Variants in ITIH4 observed in about 807,000 individuals in gnomAD.
The protein encoded by ITIH4 is inter-alpha-trypsin inhibitor heavy chain H4.
In ITIH4, 79 loss-of-function variants were observed where a neutral mutation model predicts 111.8. That is an observed-to-expected ratio of 0.71 (90% CI 0.59 to 0.85). ITIH4 has a LOEUF of 0.85. ITIH4 is among the 40% of genes least tolerant of loss of function. The pLI is 0.00. For synonymous variants in ITIH4, 472 were observed against 468.3 expected (o/e 1.01, Z -0.10); for missense variants, 1,065 against 1,195.8 (o/e 0.89, Z 1.61).
rs760643418 is a variant in ITIH4, at chr3:52,817,065, G to A, written c.2297-7C>T. 3.7e-6 allele frequency: 6 copies of A among 1,611,454 alleles called. No homozygotes were observed. The South Asian group carries it at 6.6e-5, about 18-fold the overall frequency. On this transcript the variant is annotated splice_region_variant and splice_polypyrimidine_tract_variant and intron_variant, in intron 20 of 23. Coordinates refer to ENST00000266041, the MANE Select transcript of ITIH4 (RefSeq NM_002218.5). ...TGGCCAGTCACCTCAACCCCTGGGA[G>A]GACCAGACCAGAGAGGTCATAGCTG... is the stretch of plus-strand genomic sequence containing the variant.
At chr3:52,825,117 A>G (rs1264395038) in intron 6 of ITIH4, 159 bp from the exon 7 acceptor site, 14 of 467,362 alleles carry the variant, frequency 3.0e-5, no homozygotes, top group Non-Finnish European at 4.1e-5. Context: ...TTCAGGGCTC[A>G]GACCAGCCCC....
rs770152891 is a variant in ITIH4, at chr3:52,824,143, C to T, written c.1171+47G>A. 32 of 1,599,942 alleles carry T rather than the reference C, an allele frequency of 2.0e-5. No homozygotes were observed. The highest frequency in any genetic ancestry group is 1.0e-4 in the Admixed American group (6 of 59,688). On this transcript the variant is annotated intron_variant, in intron 9 of 23. Coordinates refer to ENST00000266041, the MANE Select transcript of ITIH4 (RefSeq NM_002218.5). This position sits in a 1 kb window ranked among gnomAD's most constrained non-coding sequence, Gnocchi z 4.3. ...CAGCAAGCCCAGGTGCAGCCCCAGC[C>T]GCCTCCCCTGTGCAGCACGTCCTGG...
At chr3:52,817,493 T>C (rs1700297767) in intron 20 of ITIH4, among the ~76,000 whole-genome samples, 1 of 152,270 alleles carries the variant, frequency 6.6e-6, no homozygotes, top group South Asian at 2.1e-4. Context: ...GAGAAAGCCA[T>C]GGATGTCCCT....
rs760652070 is a variant in ITIH4 at position 52,825,905 on chromosome 3, ATGGCCCGG to A, written c.732_739del (p.Arg245LeufsTer33). The A allele has an allele frequency of 1.9e-6, 3 of 1,613,784 alleles. No individual in the cohort carries two copies. The Admixed American group carries it at 5.0e-5, about 27-fold the overall frequency. ...ACCCACCTGAATGGAGCCCCCGGAG[ATGGCCCGG>A]TCCACATCATAGCGGATAATGAGGT... is the stretch of plus-strand genomic sequence containing the variant. On this transcript the variant is annotated frameshift_variant, in exon 6 of 24. Coordinates refer to ENST00000266041, the MANE Select transcript of ITIH4 (RefSeq NM_002218.5). LOFTEE classifies it high-confidence loss of function.
intron 11 of ITIH4, 40 bp from the exon 12 acceptor site, chr3:52,821,170 C>A: frequency 6.3e-7 from 1 of 1,595,182 alleles, no homozygotes; most frequent in Admixed American, 1.7e-5. Flanking sequence ...GCAGTGAGGG[C>A]CGGACATCTG....
rs1217873421 is a variant in ITIH4 at position 52,820,856 on chromosome 3, T to C, written c.1680-71A>G. 5 of 1,557,656 alleles carry C rather than the reference T, an allele frequency of 3.2e-6. No homozygotes were observed. In the African/African-American group the frequency reaches 4.1e-5, roughly 13 times the overall value. On this transcript the variant is annotated intron_variant, in intron 12 of 23. Coordinates refer to ENST00000266041, the MANE Select transcript of ITIH4 (RefSeq NM_002218.5). The stretch of plus-strand genomic sequence containing the variant: ...AACAGATTTTCCATCCAGCCCCTTC[T>C]GGGGAGGTCCCTCTGGGAGAATCTG...
chr3:52,815,274 C>T (rs1484061442), intron 21 of ITIH4, among the ~76,000 whole-genome samples: 1 of 147,464 alleles, frequency 6.8e-6, no homozygotes, highest in African/African-American at 2.5e-5. Context: ...GACGGAGTCT[C>T]GCTCTGTCGC....
rs1040686789 is a variant in ITIH4 at position 52,820,997 on chromosome 3, T to G, written c.1673A>C (p.Glu558Ala). 2 of 1,613,896 alleles carry G rather than the reference T, an allele frequency of 1.2e-6. No homozygotes were observed. Among genetic ancestry groups the G allele is most frequent in the African/African-American group, 2.7e-5 (2 of 75,024 alleles). The part of the protein sequence containing the change: ...WAYLTIQQLL[E>A]QTVSASDADQ... ...GAGGTGCTGATGCACTCACGTTTGC[T>G]CCAGCAGCTGCTGGATAGTCAGGTA... is the stretch of plus-strand genomic sequence containing the variant. Residue 558 changes from glutamate (E) to alanine (A), a missense_variant, in exon 12 of 24, where the codon GAG becomes GCG. Coordinates refer to ENST00000266041, the MANE Select transcript of ITIH4 (RefSeq NM_002218.5).
chr3:52,817,579 T>C (rs1173200870), intron 20 of ITIH4, among the ~76,000 whole-genome samples: 2 of 151,992 alleles, frequency 1.3e-5, no homozygotes, highest in African/African-American at 4.8e-5. Flanking sequence ...GGTCCAGGAT[T>C]GAAGGGGCAG....
rs1240142686 is a variant in ITIH4 at position 52,821,181 on chromosome 3, C to T, written c.1540-51G>A. The T allele has an allele frequency of 2.5e-6, 4 of 1,587,332 alleles. No individual in the cohort carries two copies. The African/African-American group carries it at 4.0e-5, about 16-fold the overall frequency. On this transcript the variant is annotated intron_variant, in intron 11 of 23. Coordinates refer to ENST00000266041, the MANE Select transcript of ITIH4 (RefSeq NM_002218.5). ...AGGAGCAGTGAGGGCCGGACATCTG[C>T]ATCTGCCTGGCACTTCTGAGCTCTT...
At position 52,824,151 on chromosome 3, in the gene ITIH4, C is replaced by A; in HGVS notation, c.1171+39G>T. On this transcript the variant is annotated intron_variant, in intron 9 of 23. Transcript: ENST00000266041. The surrounding 1 kb of genome is among the most constrained non-coding windows in gnomAD (Gnocchi z 4.3). ...CCAGGTGCAGCCCCAGCCGCCTCCC[C>A]TGTGCAGCACGTCCTGGAGTCACGG... 1 of 1,606,734 alleles carries A rather than the reference C, an allele frequency of 6.2e-7. No homozygotes were observed.
At position 52,826,141 on chromosome 3, in the gene ITIH4, ACTTT is replaced by A; in HGVS notation, c.631-131_631-128del. ...CAGCCTTGGGTCCGTATTCCAGGGC[ACTTT>A]CTTTCAGGCTGAGTTATTGATGGAC... On this transcript the variant is annotated intron_variant, in intron 5 of 23. Transcript: ENST00000266041. 3.8e-6 allele frequency: 5 copies of A among 1,319,546 alleles called. No homozygotes were observed. The South Asian group carries it at 7.3e-5, about 19-fold the overall frequency. The allele number at this position is 1,319,546 out of a possible 1,614,324, so 81.7% of individuals were successfully genotyped here. A position where few individuals can be genotyped will look rare whatever the true frequency, so the allele number is the denominator to read the frequency against.
intron 2 of ITIH4, among the ~76,000 whole-genome samples, chr3:52,828,905 T>A (rs933728813): frequency 6.6e-6 from 1 of 152,176 alleles, no homozygotes; most frequent in African/African-American, 2.4e-5. Flanking sequence ...CACTTAGGGA[T>A]GATGAATGGC....
Position 52,823,646 on chromosome 3 carries a change from C to CT in ITIH4, c.1448_1449insA (p.Leu484AlafsTer20), listed in dbSNP as rs1700431807. On this transcript the variant is annotated frameshift_variant, in exon 11 of 24. Coordinates refer to ENST00000266041, the MANE Select transcript of ITIH4 (RefSeq NM_002218.5). LOFTEE classifies it high-confidence loss of function. Reference sequence around the variant, plus strand: ...CCATCTCTGAGCCCTTGAAGAGGAGCCGGAAGTTGTTCTGAGTGACCTCCT... The same window carrying CT: ...CCATCTCTGAGCCCTTGAAGAGGAGCTCGGAAGTTGTTCTGAGTGACCTCCT... 2 of 1,614,170 alleles carry CT rather than the reference C, an allele frequency of 1.2e-6. No homozygotes were observed. The highest frequency in any genetic ancestry group is 4.5e-5 in the East Asian group (2 of 44,878).
chr3:52,823,035 C>A (rs1163777813), intron 11 of ITIH4, among the ~76,000 whole-genome samples: 1 of 152,182 alleles, frequency 6.6e-6, no homozygotes, highest in Non-Finnish European at 1.5e-5. Flanking sequence ...TCATTCACTG[C>A]TGCATCCCAG....
intron 2 of ITIH4, 136 bp from the exon 3 acceptor site, chr3:52,827,333 C>G (rs1452361226): frequency 2.8e-6 from 2 of 725,088 alleles, no homozygotes; most frequent in Non-Finnish European, 4.8e-6. Context: ...AGCCCAGTGC[C>G]ATTTATTATG....
Position 52,826,670 on chromosome 3 carries a change from T to A in ITIH4, c.520-19A>T. The A allele has an allele frequency of 1.2e-6, 2 of 1,612,134 alleles. No individual in the cohort carries two copies. ...TGTCCATCTGGAGGCAAGATGTGGG[T>A]CCCTGGGTCAGCCAGGAGCCTGGGC... On this transcript the variant is annotated intron_variant, in intron 4 of 23. Transcript: ENST00000266041.
In ITIH4 at chr3:52,823,652, G is replaced by T. The variant is rs1453578675; in HGVS notation, c.1443C>A (p.Asn481Lys). 2 of 1,614,094 alleles carry T rather than the reference G, an allele frequency of 1.2e-6. No individual in the cohort carries two copies. The highest frequency in any genetic ancestry group is 4.5e-5 in the East Asian group (2 of 44,886). Residue 481 changes from asparagine to lysine, a missense_variant, in exon 11 of 24, where the codon AAC becomes AAA. Coordinates refer to ENST00000266041, the MANE Select transcript of ITIH4 (RefSeq NM_002218.5). The part of the protein sequence containing the change: ...SNAVEEVTQN[N>K]FRLLFKGSEM... ...CTGAGCCCTTGAAGAGGAGCCGGAA[G>T]TTGTTCTGAGTGACCTCCTCCACGG...
At position 52,821,013 on chromosome 3, in the gene ITIH4, T is replaced by C; in HGVS notation, c.1657A>G (p.Ile553Val). The change falls in exon 12 of 24, where the codon ATC becomes GTC. Residue 553 changes from isoleucine (I) to valine (V), a missense_variant. By Grantham distance (29) the Ile-to-Val change is conservative. Transcript: ENST00000266041. ...FMERLWAYLT[I>V]QQLLEQTVSA... ...CACGTTTGCTCCAGCAGCTGCTGGATAGTCAGGTATGCCCAGAGCCTCTCC... is the reference window on the plus strand; with the variant it reads ...CACGTTTGCTCCAGCAGCTGCTGGACAGTCAGGTATGCCCAGAGCCTCTCC... 6.2e-7 allele frequency: 1 copy of C among 1,614,046 alleles called. No homozygotes were observed. Among genetic ancestry groups the C allele is most frequent in the African/African-American group, 1.3e-5 (1 of 75,032 alleles).
Sources: gnomAD v4.1 joint callset for allele counts (sites outside exome capture counted in the v4.1 genomes callset) on GRCh38, gnomAD v4.1.1 for gene constraint, Gnocchi (gnomAD v3.1) non-coding constraint, MANE v1.5 for transcripts, NCBI Gene and HGNC (gene_info 2026-07-23, HGNC 2026-07-21) for gene names.